PCDHA11: variants seen among roughly 807,000 people sequenced by gnomAD.
The protein encoded by PCDHA11 is protocadherin alpha 11.
PCDHA11 carries 61 observed loss-of-function variants against 70.3 expected under a neutral mutation model. The ratio of observed to expected loss-of-function variants is 0.87; its 90% CI spans 0.71 to 1.07. The LOEUF (loss-of-function observed/expected upper bound fraction) is 1.07, where lower values mean the gene tolerates loss of function less well. Among genes scored for constraint, PCDHA11 ranks in the 50% least tolerant of loss-of-function variants. The probability of loss-of-function intolerance (pLI) is 0.00; values close to 1 mark genes in which losing one functional copy is unlikely to be tolerated. For missense variants in PCDHA11, 1,324 were observed against 1,237.5 expected, an observed-to-expected ratio of 1.07 and a Z score of -1.05; for synonymous variants, 633 against 555.1, an observed-to-expected ratio of 1.14 and a Z score of -1.97.
chr5:140,999,574 A>G (rs2097863527), intron 3 of PCDHA11, among the ~76,000 whole-genome samples: 1 of 152,170 alleles, frequency 6.6e-6, no homozygotes, highest in South Asian at 2.1e-4. Context: ...AAGAGACTAT[A>G]AAGGGAAATT....
At chr5:140,947,767 C>A (rs1585277827) in intron 1 of PCDHA11, among the ~76,000 whole-genome samples, 1 of 151,486 alleles carries the variant, frequency 6.6e-6, no homozygotes, top group East Asian at 1.9e-4. Context: ...TTAAAAAATT[C>A]TATTGTAAAT....
intron 1 of PCDHA11, among the ~76,000 whole-genome samples, chr5:140,910,796 C>T (rs2075173732): frequency 6.6e-6 from 1 of 152,112 alleles, no homozygotes; most frequent in South Asian, 2.1e-4. Flanking sequence ...ATGCAGAATC[C>T]CTGCTTAGTG....
chr5:141,000,926 G>T (rs1554257936), intron 3 of PCDHA11, among the ~76,000 whole-genome samples: 1 of 151,956 alleles, frequency 6.6e-6, no homozygotes, highest in Non-Finnish European at 1.5e-5. Flanking sequence ...AAAATCCTGT[G>T]TGATTTAGGA....
chr5:140,950,581 C>T (rs1158445917), intron 1 of PCDHA11, among the ~76,000 whole-genome samples: 2 of 151,860 alleles, frequency 1.3e-5, no homozygotes, highest in Non-Finnish European at 2.9e-5. Flanking sequence ...TTCTACTTAC[C>T]TTTGGTTTAG....
chr5:140,965,331 G>T (rs2153743444), intron 1 of PCDHA11, among the ~76,000 whole-genome samples: 1 of 152,252 alleles, frequency 6.6e-6, no homozygotes, highest in Non-Finnish European at 1.5e-5. Context: ...AAGTGAATTT[G>T]TTGTCTCTGT....
rs150544958 is a variant in PCDHA11, at chr5:140,940,065, T to C, written c.2392-38884T>C. ...TATTAGATTCTTAACCAAATATAAA[T>C]ATGTGATATCTTTCTGCTAAATTGA... On this transcript the variant is annotated intron_variant, in intron 1 of 3. Coordinates refer to ENST00000398640, the MANE Select transcript of PCDHA11 (RefSeq NM_018902.5). Among the ~76,000 whole-genome samples the C allele has an allele frequency of 2.1e-3, 313 of 152,364 alleles. 1 individual carries two copies. Among genetic ancestry groups the C allele is most frequent in the African/African-American group, 7.1e-3 (295 of 41,596 alleles).
chr5:140,982,705 T>A, intron 3 of PCDHA11, 142 bp downstream of exon 3: 1 of 1,376,850 alleles, frequency 7.3e-7, no homozygotes, highest in Non-Finnish European at 9.5e-7. Flanking sequence ...CATGATTTCC[T>A]TACATATATG....
chr5:141,006,350 T>G (rs1254086807), intron 3 of PCDHA11, among the ~76,000 whole-genome samples: 2 of 152,086 alleles, frequency 1.3e-5, no homozygotes, highest in Non-Finnish European at 2.9e-5. Flanking sequence ...TAGCTGGGAC[T>G]ATAGGCGCCC....
At position 140,896,858 on chromosome 5, in the gene PCDHA11, A is replaced by T. The variant is rs1448787828; in HGVS notation, c.2391+25364A>T. On this transcript the variant is annotated intron_variant, in intron 1 of 3. Coordinates refer to ENST00000398640, the MANE Select transcript of PCDHA11 (RefSeq NM_018902.5). Reference sequence around the variant, plus strand: ...TATTTTTTAATTTTATGGGTACATAATAAGTGTACATATTTATGGGGTATA... The same window carrying T: ...TATTTTTTAATTTTATGGGTACATATTAAGTGTACATATTTATGGGGTATA... Among the ~76,000 whole-genome samples, 3 of 152,310 alleles carry T rather than the reference A, an allele frequency of 2.0e-5. No homozygotes were observed. In the South Asian group the frequency reaches 6.2e-4, roughly 32 times the overall value.
In PCDHA11 at chr5:141,011,530, T is replaced by C. The variant is rs1427621980; in HGVS notation, c.*1593T>C. 7 of 153,810 alleles carry C rather than the reference T, an allele frequency of 4.6e-5. No individual in the cohort carries two copies. The highest frequency in any genetic ancestry group is 1.7e-4 in the African/African-American group (7 of 41,470). The allele number at this position is 153,810 out of a possible 1,614,324, so 9.5% of individuals were successfully genotyped here. Reference sequence around the variant, plus strand: ...TGGAGTAGTGTTTTTTTAACCATTGTTAATCAGCTTTTGTGTATGAAAGAC... The same window carrying C: ...TGGAGTAGTGTTTTTTTAACCATTGCTAATCAGCTTTTGTGTATGAAAGAC... On this transcript the variant is annotated 3_prime_UTR_variant, in exon 4 of 4. Transcript: ENST00000398640.
intron 1 of PCDHA11, chr5:140,968,662 C>CT (rs781816838): frequency 1.2e-6 from 2 of 1,614,158 alleles, no homozygotes; most frequent in South Asian, 2.2e-5. Context: ...ACCTGGACCT[C>CT]TTTAAGGTAG....
intron 3 of PCDHA11, among the ~76,000 whole-genome samples, chr5:140,992,926 A>C (rs2097533873): frequency 6.6e-6 from 1 of 152,226 alleles, no homozygotes; most frequent in African/African-American, 2.4e-5. Context: ...CCATACTTAC[A>C]GCAGCTCTGA....
At chr5:140,967,073 G>A (rs1554229137) in intron 1 of PCDHA11, 1 of 1,613,160 alleles carries the variant, frequency 6.2e-7, no homozygotes, top group South Asian at 1.1e-5. Flanking sequence ...CTTCGTCAAC[G>A]AGCGCATTGA....
intron 1 of PCDHA11, among the ~76,000 whole-genome samples, chr5:140,902,916 A>G (rs940228069): frequency 2.0e-5 from 3 of 152,174 alleles, no homozygotes; most frequent in African/African-American, 4.8e-5. Context: ...GCTGAGTAGT[A>G]TTGCATGGTG....
rs2098421681 is a variant in PCDHA11, at chr5:141,011,735, A to C, written c.*1798A>C. 1 of 153,882 alleles carries C rather than the reference A, an allele frequency of 6.5e-6. No individual in the cohort carries two copies. Among genetic ancestry groups the C allele is most frequent in the South Asian group, 2.1e-4 (1 of 4,828 alleles). 9.5% of individuals were successfully genotyped at this position (153,882 alleles called of 1,614,324 possible). A position where few individuals can be genotyped will look rare whatever the true frequency, so the allele number is the denominator to read the frequency against. ...TATTCCATGAGGGTGTGCAAGCACA[A>C]ATTTTACCAATCTGACCTCTTTGAA... On this transcript the variant is annotated 3_prime_UTR_variant, in exon 4 of 4. Transcript: ENST00000398640.
rs1193708084 is a variant in PCDHA11, at chr5:140,882,956, A to AT, written c.2391+11463dup. 3.1e-6 allele frequency: 5 copies of AT among 1,614,110 alleles called. No individual in the cohort carries two copies. In the African/African-American group the frequency reaches 6.7e-5, roughly 22 times the overall value. ...GCTGACTGGCACAGTTCAGCTGCTC[A>AT]TCACGATTCTGGACGTGAATGACAA... On this transcript the variant is annotated intron_variant, in intron 1 of 3. Transcript: ENST00000398640.
At chr5:140,893,104 T>A (rs2063818844) in intron 1 of PCDHA11, among the ~76,000 whole-genome samples, 1 of 152,224 alleles carries the variant, frequency 6.6e-6, no homozygotes, top group South Asian at 2.1e-4. Flanking sequence ...TGGATAATAT[T>A]CCGTTGTGCA....
At position 140,877,077 on chromosome 5, in the gene PCDHA11, G is replaced by A. The variant is rs373726752; in HGVS notation, c.2391+5583G>A. The A allele has an allele frequency of 1.1e-4, 183 of 1,613,104 alleles. 1 individual carries two copies. The highest frequency in any genetic ancestry group is 1.5e-4 in the Non-Finnish European group (175 of 1,179,844). On this transcript the variant is annotated intron_variant, in intron 1 of 3. Coordinates refer to ENST00000398640, the MANE Select transcript of PCDHA11 (RefSeq NM_018902.5). ...AGCTGGAGCTGCTGCAGTTCCAGGT[G>A]AGCGCGCGCGACGCCGGCGTGCCGC...
chr5:140,873,292 T>C (rs1399834963), intron 1 of PCDHA11, among the ~76,000 whole-genome samples: 1 of 152,210 alleles, frequency 6.6e-6, no homozygotes, highest in Admixed American at 6.5e-5. Context: ...TATGAAACTT[T>C]ATAAATATAA....
Sources: allele counts gnomAD v4.1 joint callset (sites outside exome capture counted in the v4.1 genomes callset), GRCh38; gene constraint gnomAD v4.1.1; transcripts MANE v1.5; gene names NCBI Gene and HGNC (gene_info 2026-07-23, HGNC 2026-07-21).